The following MECOM variants were observed in gnomAD, a reference collection of about 807,000 sequenced individuals.
MECOM encodes MDS1 and EVI1 complex locus.
In MECOM, 13 loss-of-function variants were observed where a neutral mutation model predicts 116.3. The observed-to-expected ratio is 0.11, with a 90% CI of 0.07 to 0.18. The LOEUF (loss-of-function observed/expected upper bound fraction) is 0.18. Ranked by LOEUF, MECOM falls within the 10% of genes least tolerant of loss-of-function variation. The pLI is 1.00. For missense variants in MECOM, 1,299 were observed against 1,509.0 expected (o/e 0.86, Z 2.31); for synonymous variants, 528 against 535.2 (o/e 0.99, Z 0.19).
At chr3:169,493,832 C>A (rs1753458411) in intron 1 of MECOM, among the ~76,000 whole-genome samples, 1 of 152,058 alleles carries the variant, frequency 6.6e-6, no homozygotes, top group African/African-American at 2.4e-5. Flanking sequence ...GCAGGAGAGT[C>A]TCCTTAAATG....
intron 2 of MECOM, among the ~76,000 whole-genome samples, chr3:169,319,644 G>A (rs1290665108): frequency 6.6e-6 from 1 of 152,180 alleles, no homozygotes; most frequent in Non-Finnish European, 1.5e-5. Flanking sequence ...GAAGAAGAGA[G>A]AATTGTGTAA....
At chr3:169,123,115 C>T (rs1046592857) in intron 5 of MECOM, among the ~76,000 whole-genome samples, 1 of 151,546 alleles carries the variant, frequency 6.6e-6, no homozygotes, top group Non-Finnish European at 1.5e-5. Context: ...GTATTAAGCT[C>T]ACAATTAAGT....
chr3:169,145,104 T>TA, intron 2 of MECOM: 1 of 1,386,926 alleles, frequency 7.2e-7, no homozygotes, highest in Admixed American at 2.6e-5. Context: ...TCCCAAAATT[T>TA]AAAAAAGAAA....
rs1183182736 is a variant in MECOM at position 169,485,897 on chromosome 3, TATATA to T, written c.38-104378_38-104374del. ...TATGTATATATATGTATATATAGTA[TATATA>T]GTATATATGTATGTATATATAGTAT... On this transcript the variant is annotated intron_variant, in intron 1 of 16. Transcript: ENST00000651503. 2.3e-4 allele frequency among the ~76,000 whole-genome samples: 32 copies of T among 139,184 alleles called. 1 individual carries two copies. Among genetic ancestry groups the T allele is most frequent in the African/African-American group, 6.7e-4 (25 of 37,400 alleles). 91.3% of individuals were successfully genotyped at this position (139,184 alleles called of 152,430 possible).
At position 169,177,166 on chromosome 3, in the gene MECOM, C is replaced by T. The variant is rs560659122; in HGVS notation, c.376-33334G>A. Among the ~76,000 whole-genome samples, 8 of 152,214 alleles carry T rather than the reference C, an allele frequency of 5.3e-5. No homozygotes were observed. The South Asian group carries it at 1.0e-3, about 20-fold the overall frequency. Reference sequence around the variant, plus strand: ...ATTCTACTATAAAGACATATGCACACGTATGTTTATTGCAGCACTATTTAC... The same window carrying T: ...ATTCTACTATAAAGACATATGCACATGTATGTTTATTGCAGCACTATTTAC... On this transcript the variant is annotated intron_variant, in intron 2 of 16. Coordinates refer to ENST00000651503, the MANE Select transcript of MECOM (RefSeq NM_004991.4).
At chr3:169,249,575 T>C (rs780533984) in intron 2 of MECOM, among the ~76,000 whole-genome samples, 4 of 152,180 alleles carry the variant, frequency 2.6e-5, no homozygotes, top group Non-Finnish European at 5.9e-5. Flanking sequence ...TTTTAAAACA[T>C]TGATCCTTAA....
intron 1 of MECOM, among the ~76,000 whole-genome samples, chr3:169,397,063 T>G (rs1735131786): frequency 6.6e-6 from 1 of 152,174 alleles, no homozygotes; most frequent in Non-Finnish European, 1.5e-5. Context: ...CCAAAAGTTA[T>G]TAAGTGACAG....
At chr3:169,376,055 A>G (rs139055132) in intron 2 of MECOM, among the ~76,000 whole-genome samples, 63 of 152,254 alleles carry the variant, frequency 4.1e-4, no homozygotes, top group African/African-American at 1.5e-3. Flanking sequence ...AATCCATCAC[A>G]TAAACAGAAC....
intron 2 of MECOM, among the ~76,000 whole-genome samples, chr3:169,236,511 C>A (rs1468000459): frequency 1.3e-5 from 2 of 152,146 alleles, no homozygotes; most frequent in Non-Finnish European, 2.9e-5. Context: ...AAAATCTATT[C>A]TCTAATTTTT....
chr3:169,405,785 A>AT (rs974863850), intron 1 of MECOM, among the ~76,000 whole-genome samples: 1 of 152,204 alleles, frequency 6.6e-6, no homozygotes, highest in African/African-American at 2.4e-5. Flanking sequence ...ATCTATTCAC[A>AT]TGCAAGCATA....
chr3:169,522,398 G>C (rs1342899318), intron 1 of MECOM, among the ~76,000 whole-genome samples: 1 of 152,150 alleles, frequency 6.6e-6, no homozygotes, highest in East Asian at 1.9e-4. Context: ...GGCATGTGGA[G>C]TTAATATGAA....
chr3:169,294,053 C>T (rs1311065871), intron 2 of MECOM, among the ~76,000 whole-genome samples: 1 of 152,196 alleles, frequency 6.6e-6, no homozygotes, highest in East Asian at 1.9e-4. Context: ...AGGTTATACA[C>T]ACACACTTCT....
chr3:169,129,879 AG>A (rs1734084339), intron 4 of MECOM, among the ~76,000 whole-genome samples: 1 of 152,186 alleles, frequency 6.6e-6, no homozygotes, highest in Non-Finnish European at 1.5e-5. Flanking sequence ...TCTTTCCCAC[AG>A]GTTCTATGCA....
chr3:169,416,610 A>T (rs966980020), intron 1 of MECOM, among the ~76,000 whole-genome samples: 2 of 152,138 alleles, frequency 1.3e-5, no homozygotes, highest in African/African-American at 4.8e-5. Flanking sequence ...TTAAAAAAGG[A>T]TGAACAAAAT....
At chr3:169,118,292 A>G (rs1419589192) in intron 7 of MECOM, among the ~76,000 whole-genome samples, 1 of 152,188 alleles carries the variant, frequency 6.6e-6, no homozygotes, top group East Asian at 1.9e-4. Context: ...GGTGCCTTCA[A>G]TTGTGGGATG....
At chr3:169,554,867 G>A (rs1343099693) in intron 1 of MECOM, among the ~76,000 whole-genome samples, 3 of 152,192 alleles carry the variant, frequency 2.0e-5, no homozygotes, top group Non-Finnish European at 4.4e-5. Context: ...ACCAGTCTTC[G>A]CTGCAGTGAT....
chr3:169,312,365 A>ATTTTTTT (rs367932449), intron 2 of MECOM, among the ~76,000 whole-genome samples: 3 of 118,468 alleles, frequency 2.5e-5, no homozygotes, highest in African/African-American at 3.3e-5. Flanking sequence ...AATGACTGCA[A>ATTTTTTT]TTTTTTTTTT....
intron 1 of MECOM, among the ~76,000 whole-genome samples, chr3:169,393,229 C>A (rs1383172946): frequency 6.6e-6 from 1 of 152,130 alleles, no homozygotes; most frequent in Non-Finnish European, 1.5e-5. Flanking sequence ...TGATGGATCT[C>A]AGAACAGTGA....
intron 2 of MECOM, among the ~76,000 whole-genome samples, chr3:169,179,870 T>C (rs893540313): frequency 2.0e-5 from 3 of 152,128 alleles, no homozygotes; most frequent in African/African-American, 7.2e-5. Flanking sequence ...TAAGCTCACA[T>C]TGATAGTATG....
Sources: gnomAD v4.1 joint callset for allele counts (sites outside exome capture counted in the v4.1 genomes callset) on GRCh38, gnomAD v4.1.1 for gene constraint, MANE v1.5 for transcripts, NCBI Gene and HGNC (gene_info 2026-07-23, HGNC 2026-07-21) for gene names.